Variants in PPP1R1C observed in about 807,000 individuals in gnomAD.
The protein encoded by PPP1R1C is protein phosphatase 1 regulatory subunit 1C.
Under a neutral mutation model 17.4 loss-of-function variants are expected in PPP1R1C, and 15 were observed. The observed-to-expected ratio is 0.86, with a 90% CI of 0.58 to 1.33. The LOEUF is 1.33. Among genes scored for constraint, PPP1R1C ranks in the 40% most tolerant of loss-of-function variants. The pLI, the probability that PPP1R1C is intolerant of heterozygous loss-of-function variation, is 0.00. For missense variants in PPP1R1C, 143 were observed against 130.0 expected (o/e 1.10, Z -0.48); for synonymous variants, 35 against 43.1 (o/e 0.81, Z 0.73).
chr2:182,092,967 T>C (rs1688825753), intron 4 of PPP1R1C, among the ~76,000 whole-genome samples: 1 of 152,220 alleles, frequency 6.6e-6, no homozygotes, highest in Admixed American at 6.5e-5. Context: ...GTGGCCCTCT[T>C]CTGACAGCTC....
chr2:182,106,276 C>G (rs1211094521), intron 4 of PPP1R1C, among the ~76,000 whole-genome samples: 1 of 152,182 alleles, frequency 6.6e-6, no homozygotes, highest in Non-Finnish European at 1.5e-5. Flanking sequence ...GTTGCATTTT[C>G]CAAGACCACT....
chr2:182,034,472 A>T (rs1686939933), intron 2 of PPP1R1C, among the ~76,000 whole-genome samples: 1 of 152,180 alleles, frequency 6.6e-6, no homozygotes, highest in South Asian at 2.1e-4. Context: ...TGTTTGAGGA[A>T]CAAAAAGAAG....
downstream of PPP1R1C, among the ~76,000 whole-genome samples, chr2:182,119,997 A>G (rs940274588): frequency 6.6e-6 from 1 of 152,148 alleles, no homozygotes; most frequent in African/African-American, 2.4e-5. Flanking sequence ...TATGTCCTGA[A>G]TGGTATTGCC....
intron 2 of PPP1R1C, among the ~76,000 whole-genome samples, chr2:182,013,427 A>AT (rs960774374): frequency 2.0e-5 from 3 of 151,706 alleles, no homozygotes; most frequent in African/African-American, 4.8e-5. Context: ...GTTGTATGTT[A>AT]TTTTTTGTTT....
intron 2 of PPP1R1C, among the ~76,000 whole-genome samples, chr2:181,998,332 G>A (rs915330305): frequency 1.3e-5 from 2 of 152,158 alleles, no homozygotes; most frequent in African/African-American, 4.8e-5. Context: ...ATAATTATAT[G>A]ATATGTGATC....
At chr2:181,968,694 A>G (rs926970474) in intron 1 of PPP1R1C, among the ~76,000 whole-genome samples, 1 of 152,060 alleles carries the variant, frequency 6.6e-6, no homozygotes, top group Non-Finnish European at 1.5e-5. Flanking sequence ...TTTACATTCA[A>G]TGTTATTATT....
intron 4 of PPP1R1C, among the ~76,000 whole-genome samples, chr2:182,097,872 G>A (rs1022921567): frequency 5.9e-5 from 9 of 151,860 alleles, no homozygotes. Flanking sequence ...CTGAAGAGAG[G>A]GTTTCATATC....
At chr2:182,020,486 A>G (rs1420764602) in intron 2 of PPP1R1C, among the ~76,000 whole-genome samples, 1 of 152,186 alleles carries the variant, frequency 6.6e-6, no homozygotes, top group Non-Finnish European at 1.5e-5. Flanking sequence ...AGAAGCCTAG[A>G]GTAGAATAAG....
intron 1 of PPP1R1C, among the ~76,000 whole-genome samples, chr2:181,972,532 A>T (rs902994590): frequency 5.9e-5 from 9 of 152,172 alleles, no homozygotes; most frequent in African/African-American, 2.2e-4. Context: ...AGTCCAGAGG[A>T]TTGAGCAACA....
intron 2 of PPP1R1C, among the ~76,000 whole-genome samples, chr2:182,034,141 A>G (rs1184152106): frequency 2.6e-5 from 4 of 152,302 alleles, no homozygotes; most frequent in Middle Eastern, 3.4e-3. Context: ...AGTGCCTACT[A>G]TGTCTAGGAA....
chr2:182,089,968 T>A (rs1465835955), intron 4 of PPP1R1C, among the ~76,000 whole-genome samples: 1 of 152,100 alleles, frequency 6.6e-6, no homozygotes, highest in Non-Finnish European at 1.5e-5. Flanking sequence ...TATAATATAT[T>A]ATCTTTTTAT....
chr2:182,097,305 G>A (rs1177708089), intron 4 of PPP1R1C, among the ~76,000 whole-genome samples: 1 of 152,118 alleles, frequency 6.6e-6, no homozygotes, highest in African/African-American at 2.4e-5. Context: ...CACCCCTAAT[G>A]TGCTAGGTTA....
At chr2:182,016,229 G>A (rs1272206715) in intron 2 of PPP1R1C, among the ~76,000 whole-genome samples, 1 of 152,172 alleles carries the variant, frequency 6.6e-6, no homozygotes, top group Non-Finnish European at 1.5e-5. Context: ...TCCCCACCAT[G>A]TGGTCACTGC....
intron 2 of PPP1R1C, among the ~76,000 whole-genome samples, chr2:182,044,845 G>A (rs770454761): frequency 3.3e-5 from 5 of 152,192 alleles, no homozygotes; most frequent in Non-Finnish European, 7.4e-5. Flanking sequence ...ATTATCATAG[G>A]CGTTAATCTA....
chr2:182,121,080 G>A (rs751442226), downstream of PPP1R1C, among the ~76,000 whole-genome samples: 1 of 152,074 alleles, frequency 6.6e-6, no homozygotes, highest in Non-Finnish European at 1.5e-5. Context: ...TTTTCTAGAA[G>A]CCAACTTGGC....
intron 2 of PPP1R1C, among the ~76,000 whole-genome samples, chr2:182,039,975 A>AGACAT (rs1687132241): frequency 6.6e-6 from 1 of 152,194 alleles, no homozygotes; most frequent in Non-Finnish European, 1.5e-5. Flanking sequence ...TTGCTGCAAA[A>AGACAT]GACATTATTT....
intron 4 of PPP1R1C, among the ~76,000 whole-genome samples, chr2:182,094,625 C>G (rs760651353): frequency 2.0e-5 from 3 of 152,148 alleles, no homozygotes; most frequent in African/African-American, 7.2e-5. Context: ...GGCAGACAAC[C>G]GACAGTCTAG....
At chr2:182,030,539 AGG>A (rs1331637446) in intron 2 of PPP1R1C, among the ~76,000 whole-genome samples, 1 of 150,302 alleles carries the variant, frequency 6.7e-6, no homozygotes, top group East Asian at 2.0e-4. Context: ...GTCAGGGGTC[AGG>A]GACCCACTTG....
At chr2:182,009,506 C>T (rs553786593) in intron 2 of PPP1R1C, among the ~76,000 whole-genome samples, 1 of 152,114 alleles carries the variant, frequency 6.6e-6, no homozygotes, top group African/African-American at 2.4e-5. Context: ...TGCTTGAGTT[C>T]CTTATATATT....
Sources: gnomAD v4.1 joint callset for allele counts (sites outside exome capture counted in the v4.1 genomes callset) on GRCh38, gnomAD v4.1.1 for gene constraint, MANE v1.5 for transcripts, NCBI Gene and HGNC (gene_info 2026-07-23, HGNC 2026-07-21) for gene names.